Variants in NR5A2 observed in about 807,000 individuals in gnomAD.
NR5A2 encodes nuclear receptor subfamily 5 group A member 2.
Under a neutral mutation model 62.7 loss-of-function variants are expected in NR5A2, and 26 were observed. The observed-to-expected ratio is 0.41, with a 90% CI of 0.30 to 0.58. The LOEUF is 0.58. NR5A2 is among the 20% of genes least tolerant of loss of function. The pLI is 0.22. For missense variants in NR5A2, 541 were observed against 669.1 expected, an observed-to-expected ratio of 0.81 and a Z score of 2.11; for synonymous variants, 246 against 241.7, an observed-to-expected ratio of 1.02 and a Z score of -0.16.
chr1:200,041,567 A>G (rs1256640431), intron 2 of NR5A2, among the ~76,000 whole-genome samples: 1 of 152,140 alleles, frequency 6.6e-6, no homozygotes, highest in Non-Finnish European at 1.5e-5. Flanking sequence ...CCCAACTTTG[A>G]GGGAACTTTG....
chr1:200,108,824 A>G (rs1665811287), intron 5 of NR5A2, among the ~76,000 whole-genome samples: 1 of 152,202 alleles, frequency 6.6e-6, no homozygotes, highest in Non-Finnish European at 1.5e-5. Context: ...AGCACCTGAG[A>G]GGATCAGTTC....
chr1:200,107,255 A>G (rs1436233424), intron 5 of NR5A2, among the ~76,000 whole-genome samples: 4 of 151,642 alleles, frequency 2.6e-5, no homozygotes, highest in Non-Finnish European at 5.9e-5. Flanking sequence ...CAGAAGTGAA[A>G]GTAATTCAGT....
At chr1:200,142,070 T>C (rs981664933) in intron 7 of NR5A2, among the ~76,000 whole-genome samples, 1 of 152,118 alleles carries the variant, frequency 6.6e-6, no homozygotes, top group Non-Finnish European at 1.5e-5. Context: ...TTAAGCTTTT[T>C]TCCCCCTTTT....
chr1:200,110,990 T>G (rs1571495845), intron 5 of NR5A2, among the ~76,000 whole-genome samples: 1 of 152,154 alleles, frequency 6.6e-6, no homozygotes, highest in Non-Finnish European at 1.5e-5. Flanking sequence ...TACCTACGTG[T>G]GTCCTAAAAA....
intron 7 of NR5A2, among the ~76,000 whole-genome samples, chr1:200,161,337 G>T (rs536779934): frequency 6.6e-6 from 1 of 151,950 alleles, no homozygotes; most frequent in Non-Finnish European, 1.5e-5. Flanking sequence ...TTGATTTTCC[G>T]TATATTTTAA....
chr1:200,143,012 G>T (rs773158841), intron 7 of NR5A2, among the ~76,000 whole-genome samples: 2 of 151,848 alleles, frequency 1.3e-5, no homozygotes, highest in Admixed American at 6.6e-5. Context: ...TATATATCTT[G>T]CTGTATATGC....
chr1:200,149,812 T>G (rs1024091125), intron 7 of NR5A2, among the ~76,000 whole-genome samples: 8 of 152,202 alleles, frequency 5.3e-5, no homozygotes, highest in African/African-American at 1.7e-4. Flanking sequence ...ACAGTAGGTA[T>G]CTGTGCCTAT....
intron 5 of NR5A2, among the ~76,000 whole-genome samples, chr1:200,094,795 G>A (rs527671439): frequency 6.6e-6 from 1 of 152,024 alleles, no homozygotes; most frequent in African/African-American, 2.4e-5. Flanking sequence ...GCCTCCCAAA[G>A]TGCTGGGATT....
intron 5 of NR5A2, among the ~76,000 whole-genome samples, chr1:200,082,177 A>T (rs1664326751): frequency 1.3e-5 from 2 of 152,204 alleles, no homozygotes; most frequent in African/African-American, 4.8e-5. Flanking sequence ...GCTTCCCAAA[A>T]GCTTGTTTGT....
At chr1:200,050,003 A>C (rs1274690731) in intron 5 of NR5A2, among the ~76,000 whole-genome samples, 3 of 152,236 alleles carry the variant, frequency 2.0e-5, no homozygotes, top group Non-Finnish European at 2.9e-5. Context: ...TTCCATCAGC[A>C]CGCTGTTAAG....
At chr1:200,117,118 C>T (rs940418139) in intron 6 of NR5A2, among the ~76,000 whole-genome samples, 7 of 152,138 alleles carry the variant, frequency 4.6e-5, no homozygotes, top group Non-Finnish European at 1.0e-4. Flanking sequence ...TAGAGTATTG[C>T]TTCAATATCT....
intron 5 of NR5A2, among the ~76,000 whole-genome samples, chr1:200,062,351 T>C (rs559671040): frequency 6.6e-6 from 1 of 152,242 alleles, no homozygotes; most frequent in South Asian, 2.1e-4. Context: ...AGGGCTGTTG[T>C]TTCATTTCGA....
chr1:200,057,018 T>G (rs1335916742), intron 5 of NR5A2, among the ~76,000 whole-genome samples: 1 of 152,246 alleles, frequency 6.6e-6, no homozygotes, highest in African/African-American at 2.4e-5. Context: ...CCCTTGTTCC[T>G]GTTCTGATGA....
chr1:200,040,466 T>C (rs1443723694), intron 2 of NR5A2, among the ~76,000 whole-genome samples: 1 of 152,108 alleles, frequency 6.6e-6, no homozygotes, highest in African/African-American at 2.4e-5. Flanking sequence ...GATCTGAAAA[T>C]ATGGAGGTCC....
chr1:200,133,809 G>A (rs1667096558), intron 7 of NR5A2, among the ~76,000 whole-genome samples: 1 of 149,484 alleles, frequency 6.7e-6, no homozygotes, highest in African/African-American at 2.5e-5. Context: ...CCTCAGGCAG[G>A]TCCCTCTGGG....
At chr1:200,166,631 A>T (rs754765194) in intron 7 of NR5A2, among the ~76,000 whole-genome samples, 6 of 152,192 alleles carry the variant, frequency 3.9e-5, no homozygotes, top group Non-Finnish European at 5.9e-5. Context: ...AAAAAACTCC[A>T]GGACTTTAAA....
chr1:200,039,876 C>T lies in NR5A2; in HGVS notation c.202+81C>T, dbSNP rs1661983699. On this transcript the variant is annotated intron_variant, in intron 2 of 7. Transcript: ENST00000367362. This position sits in a 1 kb window ranked among gnomAD's most constrained non-coding sequence, Gnocchi z 5.1. ...GCCCTGCAGGCTTCAGCCTCCCGCC[C>T]CGCGCGGGCGCGGGAGTAGCCCCGC... 4.8e-6 allele frequency: 7 copies of T among 1,462,508 alleles called. No homozygotes were observed. Among genetic ancestry groups the T allele is most frequent in the Non-Finnish European group, 4.5e-6 (5 of 1,114,714 alleles). 90.6% of individuals were successfully genotyped at this position (1,462,508 alleles called of 1,614,324 possible). A position where few individuals can be genotyped will look rare whatever the true frequency, so the allele number is the denominator to read the frequency against.
intron 7 of NR5A2, among the ~76,000 whole-genome samples, chr1:200,142,763 G>A (rs982675535): frequency 6.6e-6 from 1 of 151,840 alleles, no homozygotes; most frequent in Non-Finnish European, 1.5e-5. Flanking sequence ...GTTTCATTAC[G>A]TATCTTTTAA....
chr1:200,057,087 A>G (rs914626857), intron 5 of NR5A2, among the ~76,000 whole-genome samples: 3 of 152,234 alleles, frequency 2.0e-5, no homozygotes, highest in African/African-American at 7.2e-5. Flanking sequence ...AATTACACAA[A>G]AGAAAACATA....
Sources: allele counts gnomAD v4.1 joint callset (sites outside exome capture counted in the v4.1 genomes callset), GRCh38; gene constraint gnomAD v4.1.1; non-coding constraint Gnocchi (gnomAD v3.1); transcripts MANE v1.5; gene names NCBI Gene and HGNC (gene_info 2026-07-23, HGNC 2026-07-21).